The following TCOF1 variants were observed in gnomAD, a reference collection of about 807,000 sequenced individuals.
TCOF1 encodes treacle ribosome biogenesis factor 1.
TCOF1 carries 33 observed loss-of-function variants against 149.0 expected under a neutral mutation model. That is an observed-to-expected ratio of 0.22 (90% CI 0.17 to 0.30). The LOEUF (loss-of-function observed/expected upper bound fraction) is 0.30. Ranked by LOEUF, TCOF1 falls within the 10% of genes least tolerant of loss-of-function variation. TCOF1 has a pLI of 1.00. For missense variants in TCOF1, 1,728 were observed against 1,840.7 expected, an observed-to-expected ratio of 0.94 and a Z score of 1.12; for synonymous variants, 789 against 738.8, an observed-to-expected ratio of 1.07 and a Z score of -1.10.
chr5:150,379,405 T>C lies in TCOF1; in HGVS notation c.2655T>C (p.Ala885=), dbSNP rs1480064985. The change falls in exon 16 of 27, where the codon GCT becomes GCC. Residue 885 remains alanine (A), a synonymous_variant. Coordinates refer to ENST00000643257, the MANE Select transcript of TCOF1 (RefSeq NM_001371623.1). The part of the protein sequence containing the change: ...SDSEEEAETL[A]QVKPSGKTHQ... ...GTGAGGAGGAGGCGGAGACGCTGGC[T>C]CAGGTGAGGGGGAGGGAATGGAGAT... 2 of 1,613,308 alleles carry C rather than the reference T, an allele frequency of 1.2e-6. No individual in the cohort carries two copies. Among genetic ancestry groups the C allele is most frequent in the Non-Finnish European group, 1.7e-6 (2 of 1,179,838 alleles).
At chr5:150,365,063 T>C (rs1202444335) in intron 3 of TCOF1, 2 of 151,922 alleles carry the variant, frequency 1.3e-5, no homozygotes, top group Non-Finnish European at 2.9e-5. Flanking sequence ...ACTAGGTATA[T>C]ATTTTATTAT....
At position 150,368,646 on chromosome 5, in the gene TCOF1, G is replaced by T. The variant is rs548443199; in HGVS notation, c.379-70G>T. 1.5e-5 allele frequency: 23 copies of T among 1,578,088 alleles called. No individual in the cohort carries two copies. The African/African-American group carries it at 3.0e-4, about 20-fold the overall frequency. ...CTAAGAAGTGGTAAGATTGGGTTCA[G>T]ATGCAAGTGGCCTGTGCTCTTAGTT... On this transcript the variant is annotated intron_variant, in intron 4 of 26. Transcript: ENST00000643257.
Position 150,387,983 on chromosome 5 carries a change from G to C in TCOF1, c.2941G>C (p.Ala981Pro). The C allele has an allele frequency of 1.9e-6, 3 of 1,613,966 alleles. No homozygotes were observed. Among genetic ancestry groups the C allele is most frequent in the Middle Eastern group, 3.3e-4 (2 of 6,062 alleles). Residue 981 changes from alanine to proline, a missense_variant, in exon 18 of 27, where the codon GCA (alanine) becomes CCA (proline). Coordinates refer to ENST00000643257, the MANE Select transcript of TCOF1 (RefSeq NM_001371623.1). ...TGCTACACCCGCACAAGCCCAGGCT[G>C]CAAGCACCCCGAGGAAGGCCCGAGC... ...PAATPAQAQAASTPRKARASE... is the reference protein window; with the variant it reads ...PAATPAQAQAPSTPRKARASE...
chr5:150,361,126 A>G (rs768390255), intron 1 of TCOF1, 30 bp from the exon 2 acceptor site: 2 of 1,613,952 alleles, frequency 1.2e-6, no homozygotes, highest in Non-Finnish European at 1.7e-6. Context: ...GCTGGGGATT[A>G]ATTGTGGCTT....
intron 23 of TCOF1, among the ~76,000 whole-genome samples, chr5:150,395,067 G>C (rs140087122): frequency 8.9e-4 from 135 of 152,218 alleles, no homozygotes; most frequent in Non-Finnish European, 2.1e-4. Context: ...GCCTCCAGCC[G>C]TCCCGGGGGC....
At chr5:150,377,294 T>C (rs1764028242) in intron 14 of TCOF1, among the ~76,000 whole-genome samples, 1 of 152,196 alleles carries the variant, frequency 6.6e-6, no homozygotes, top group Non-Finnish European at 1.5e-5. Context: ...CTTACTCTCC[T>C]ATAAACAGGA....
Position 150,357,963 on chromosome 5 carries a change from C to G in TCOF1, c.108+109C>G, listed in dbSNP as rs913104248. On this transcript the variant is annotated intron_variant, in intron 1 of 26. Coordinates refer to ENST00000643257, the MANE Select transcript of TCOF1 (RefSeq NM_001371623.1). ...ACCCGGCAGGCGCCCGGAGCCGGGT[C>G]CCGCAGTGCTCGACGGCGCGGCCAG... 3.4e-6 allele frequency: 4 copies of G among 1,162,106 alleles called. No individual in the cohort carries two copies. The African/African-American group carries it at 6.4e-5, about 18-fold the overall frequency. 72.0% of individuals were successfully genotyped at this position (1,162,106 alleles called of 1,614,324 possible).
intron 23 of TCOF1, 118 bp from the exon 24 acceptor site, chr5:150,396,164 C>A: frequency 8.5e-7 from 1 of 1,177,794 alleles, no homozygotes; most frequent in Non-Finnish European, 1.3e-6. Context: ...TTGCTCTCCC[C>A]ATCTGTGCCA....
Position 150,392,794 on chromosome 5 carries a change from A to T in TCOF1, c.3603+4A>T. The stretch of plus-strand genomic sequence containing the variant: ...TGATGTGGTGGCGCCATCCCAGGTA[A>T]CTGCAAGGGAGAGGACTGGCAGCCC... On this transcript the variant is annotated splice_donor_region_variant and intron_variant, in intron 22 of 26. Transcript: ENST00000643257. 1.2e-6 allele frequency: 2 copies of T among 1,613,768 alleles called. No homozygotes were observed. Among genetic ancestry groups the T allele is most frequent in the South Asian group, 1.1e-5 (1 of 91,044 alleles).
chr5:150,367,980 C>G (rs1418136983), intron 4 of TCOF1, 63 bp downstream of exon 4: 2 of 1,571,462 alleles, frequency 1.3e-6, no homozygotes, highest in East Asian at 2.2e-5. Flanking sequence ...AGGGGACAGT[C>G]TTACATGTCA....
At chr5:150,372,303 C>A in intron 7 of TCOF1, 67 bp downstream of exon 7, 1 of 1,385,494 alleles carries the variant, frequency 7.2e-7, no homozygotes, top group Non-Finnish European at 1.0e-6. Context: ...AGCACTCTGC[C>A]ATGAGCACCT....
intron 17 of TCOF1, chr5:150,384,856 A>T: frequency 1.0e-6 from 1 of 985,418 alleles, no homozygotes; most frequent in Non-Finnish European, 1.2e-6. Flanking sequence ...GCACCTCTCT[A>T]TTGACAAGTT....
At chr5:150,388,481 C>T (rs959555731) in intron 18 of TCOF1, among the ~76,000 whole-genome samples, 4 of 152,180 alleles carry the variant, frequency 2.6e-5, no homozygotes, top group African/African-American at 7.2e-5. Flanking sequence ...CCAGAGACAT[C>T]ACAGGGATAG....
chr5:150,367,985 A>G (rs1186469127), intron 4 of TCOF1, 68 bp downstream of exon 4: 4 of 1,557,992 alleles, frequency 2.6e-6, no homozygotes, highest in South Asian at 1.1e-5. Flanking sequence ...ACAGTCTTAC[A>G]TGTCAGAGAA....
At chr5:150,363,405 G>A (rs1760616364) in intron 2 of TCOF1, among the ~76,000 whole-genome samples, 1 of 152,200 alleles carries the variant, frequency 6.6e-6, no homozygotes. Flanking sequence ...GGGGGTCAAT[G>A]GGCGTGAGAC....
rs367999825 is a variant in TCOF1 at position 150,372,054 on chromosome 5, A to T, written c.688A>T (p.Thr230Ser). 6.1e-5 allele frequency: 99 copies of T among 1,614,118 alleles called. No individual in the cohort carries two copies. The highest frequency in any genetic ancestry group is 8.4e-5 in the Non-Finnish European group (99 of 1,180,054). ...CCAGGTCAAAGCCTCATCAGTTTCTACTAAGGAGTCTCCAGCAAGAAAGGC... is the reference window on the plus strand; with the variant it reads ...CCAGGTCAAAGCCTCATCAGTTTCTTCTAAGGAGTCTCCAGCAAGAAAGGC... ...PAQVKASSVSTKESPARKAAP... is the reference protein window; with the variant it reads ...PAQVKASSVSSKESPARKAAP... Residue 230 changes from threonine to serine, a missense_variant, in exon 7 of 27, where the codon ACT becomes TCT. Coordinates refer to ENST00000643257, the MANE Select transcript of TCOF1 (RefSeq NM_001371623.1).
chr5:150,367,568 C>T, intron 3 of TCOF1: 1 of 452,362 alleles, frequency 2.2e-6, no homozygotes, highest in Non-Finnish European at 4.1e-6. Flanking sequence ...CTTTTCCCTC[C>T]AGGGGCCTCC....
rs189329302 is a variant in TCOF1 at position 150,373,203 on chromosome 5, A to G, written c.870+967A>G. On this transcript the variant is annotated intron_variant, in intron 7 of 26. Transcript: ENST00000643257. ...GCTAGGAATACAGGCACACACCACC[A>G]CACCCAGCTTGTGTGTGTGTGTGTG... is the stretch of plus-strand genomic sequence containing the variant. 1.1e-3 allele frequency among the ~76,000 whole-genome samples: 161 copies of G among 151,666 alleles called. 4 individuals carry two copies. The East Asian group carries it at 0.023, about 22-fold the overall frequency.
At chr5:150,391,063 C>T (rs80042046) in intron 19 of TCOF1, among the ~76,000 whole-genome samples, 7,688 of 152,204 alleles carry the variant, frequency 0.051, 255 homozygotes, top group Non-Finnish European at 0.08. Context: ...GGCAGGGAAA[C>T]TGCAGGTACC....
Sources: allele counts gnomAD v4.1 joint callset (sites outside exome capture counted in the v4.1 genomes callset), GRCh38; gene constraint gnomAD v4.1.1; transcripts MANE v1.5; gene names NCBI Gene and HGNC (gene_info 2026-07-23, HGNC 2026-07-21).